R3HDM2: variants seen among roughly 807,000 people sequenced by gnomAD.
R3HDM2 encodes the protein R3H domain containing 2.
In R3HDM2, 38 loss-of-function variants were observed where a neutral mutation model predicts 124.5. That is an observed-to-expected ratio of 0.31 (90% CI 0.24 to 0.40). The LOEUF (loss-of-function observed/expected upper bound fraction) is 0.40. R3HDM2 is among the 10% of genes least tolerant of loss of function. The pLI is 1.00. For missense variants in R3HDM2, 869 were observed against 1,236.9 expected, an observed-to-expected ratio of 0.70 and a Z score of 4.46; for synonymous variants, 391 against 448.0, an observed-to-expected ratio of 0.87 and a Z score of 1.61.
At chr12:57,395,612 C>G (rs2067395890) in intron 2 of R3HDM2, 137 bp downstream of exon 2, 1 of 237,704 alleles carries the variant, frequency 4.2e-6, no homozygotes, top group Admixed American at 6.5e-5. Context: ...CTCTGCATCT[C>G]AATTTCTTCA....
intron 2 of R3HDM2, among the ~76,000 whole-genome samples, chr12:57,354,071 C>CT (rs1219414611): frequency 6.6e-6 from 1 of 151,962 alleles, no homozygotes; most frequent in Non-Finnish European, 1.5e-5. Flanking sequence ...CCAGGCTGGT[C>CT]TTGAACTCCT....
intron 1 of R3HDM2, among the ~76,000 whole-genome samples, chr12:57,423,576 C>A (rs2070411080): frequency 6.6e-6 from 1 of 151,926 alleles, no homozygotes; most frequent in South Asian, 2.1e-4. Context: ...CTTTGGGAGG[C>A]CGAGGCGGGT....
chr12:57,420,549 G>A (rs990514644), intron 1 of R3HDM2, among the ~76,000 whole-genome samples: 7 of 148,594 alleles, frequency 4.7e-5, no homozygotes, highest in African/African-American at 1.7e-4. Flanking sequence ...ATAGAGATGA[G>A]GTCTCATTAT....
At chr12:57,429,212 T>G (rs1868948550) in intron 1 of R3HDM2, among the ~76,000 whole-genome samples, 1 of 149,600 alleles carries the variant, frequency 6.7e-6, no homozygotes, top group Non-Finnish European at 1.5e-5. Context: ...CATAGCAAGA[T>G]CCCATCCCTA....
intron 2 of R3HDM2, among the ~76,000 whole-genome samples, chr12:57,353,289 CAAGT>C (rs1019133544): frequency 7.9e-5 from 12 of 151,886 alleles, no homozygotes; most frequent in African/African-American, 2.2e-4. Flanking sequence ...AAGAAAATGA[CAAGT>C]AAGTAATTAG....
At position 57,295,520 on chromosome 12, in the gene R3HDM2, G is replaced by A. The variant is rs1441735011; in HGVS notation, c.702-13C>T. ...CCTCTGTTCAGGGCTGAGATTTGGA[G>A]AGAAATGTGAAAGGAAAGGAGGACA... is the stretch of plus-strand genomic sequence containing the variant. On this transcript the variant is annotated splice_polypyrimidine_tract_variant and intron_variant, in intron 9 of 23. Coordinates refer to ENST00000402412, the MANE Select transcript of R3HDM2 (RefSeq NM_001394031.1). 6.5e-7 allele frequency: 1 copy of A among 1,537,396 alleles called. No individual in the cohort carries two copies. Among genetic ancestry groups the A allele is most frequent in the Admixed American group, 2.0e-5 (1 of 50,946 alleles).
In R3HDM2 at chr12:57,305,582, AAT is replaced by A. The variant is rs1424581867; in HGVS notation, c.166-2367_166-2366del. The A allele has an allele frequency of 7.5e-6, 3 of 398,780 alleles. No individual in the cohort carries two copies. In the East Asian group the frequency reaches 1.1e-4, roughly 14 times the overall value. The allele number at this position is 398,780 out of a possible 1,614,324, so 24.7% of individuals were successfully genotyped here. On this transcript the variant is annotated intron_variant, in intron 3 of 23. Transcript: ENST00000402412. The stretch of plus-strand genomic sequence containing the variant: ...ACAGCCAAACATATATTAAAAGCCT[AAT>A]ATACACCATGTTATCATGCTAGCTA...
chr12:57,417,238 T>G (rs2069720797), intron 1 of R3HDM2, among the ~76,000 whole-genome samples: 1 of 151,700 alleles, frequency 6.6e-6, no homozygotes, highest in African/African-American at 2.4e-5. Flanking sequence ...TCCCCATCTC[T>G]ACTAAAAATA....
intron 1 of R3HDM2, among the ~76,000 whole-genome samples, chr12:57,420,544 G>T (rs192152311): frequency 1.3e-4 from 19 of 144,680 alleles, no homozygotes; most frequent in African/African-American, 4.3e-4. Flanking sequence ...TTTTAATAGA[G>T]ATGAGGTCTC....
intron 2 of R3HDM2, among the ~76,000 whole-genome samples, chr12:57,314,419 C>T (rs1316463114): frequency 6.6e-6 from 1 of 151,988 alleles, no homozygotes; most frequent in Admixed American, 6.6e-5. Flanking sequence ...GCAGAGGTTG[C>T]GGTGAGCCGA....
At chr12:57,361,427 T>C (rs886089622) in intron 2 of R3HDM2, among the ~76,000 whole-genome samples, 3 of 147,770 alleles carry the variant, frequency 2.0e-5, no homozygotes, top group Non-Finnish European at 4.5e-5. Flanking sequence ...GGCTCATGGC[T>C]GTAATCCCTA....
At chr12:57,406,609 G>A (rs953705224) in intron 1 of R3HDM2, among the ~76,000 whole-genome samples, 1 of 152,102 alleles carries the variant, frequency 6.6e-6, no homozygotes, top group Admixed American at 6.6e-5. Flanking sequence ...TAGAATTTGA[G>A]TATCACCATT....
At chr12:57,342,942 A>G (rs1485696796) in intron 2 of R3HDM2, among the ~76,000 whole-genome samples, 1 of 152,138 alleles carries the variant, frequency 6.6e-6, no homozygotes, top group Non-Finnish European at 1.5e-5. Flanking sequence ...TCTTCCTATT[A>G]TTTGCCCCCA....
chr12:57,274,957 CA>C (rs201294754), intron 14 of R3HDM2, among the ~76,000 whole-genome samples: 14 of 148,632 alleles, frequency 9.4e-5, no homozygotes, highest in Non-Finnish European at 7.5e-5. Context: ...CGCAGAATTA[CA>C]AAAAAAAAAT....
At chr12:57,356,837 G>A (rs1474348521) in intron 2 of R3HDM2, among the ~76,000 whole-genome samples, 1 of 152,226 alleles carries the variant, frequency 6.6e-6, no homozygotes, top group African/African-American at 2.4e-5. Flanking sequence ...TTGGCCGGGC[G>A]TGGTAGCTCA....
chr12:57,261,651 G>C (rs1487791862), intron 19 of R3HDM2, among the ~76,000 whole-genome samples: 1 of 150,792 alleles, frequency 6.6e-6, no homozygotes, highest in Admixed American at 6.7e-5. Flanking sequence ...TGAGAACACA[G>C]AGCACTACTC....
chr12:57,272,442 G>A, intron 14 of R3HDM2: 2 of 1,543,396 alleles, frequency 1.3e-6, no homozygotes, highest in Non-Finnish European at 1.8e-6. Flanking sequence ...AAGGGGGAAT[G>A]GAGTTTATAC....
In R3HDM2 at chr12:57,297,875, CAGA is replaced by C. The variant is rs1359436613; in HGVS notation, c.500+212_500+214del. ...TCTTTGTTTCTGCATTCTTCTTTCA[CAGA>C]AGTTTTCCCAATTCTTCTGAAAACA... On this transcript the variant is annotated intron_variant, in intron 7 of 23. Transcript: ENST00000402412. 7 of 566,544 alleles carry C rather than the reference CAGA, an allele frequency of 1.2e-5. No individual in the cohort carries two copies. In the Admixed American group the frequency reaches 1.9e-4, roughly 15 times the overall value. 35.1% of individuals were successfully genotyped at this position (566,544 alleles called of 1,614,324 possible).
At position 57,285,446 on chromosome 12, in the gene R3HDM2, A is replaced by AGTGTGT. The variant is rs34223001; in HGVS notation, c.939-1396_939-1391dup. The stretch of plus-strand genomic sequence containing the variant: ...AACCCCAAGACTGAGAGAGAGAGAG[A>AGTGTGT]GTGTGTGTGTGTGTGTGTGTGTGTG... On this transcript the variant is annotated intron_variant, in intron 12 of 23. Transcript: ENST00000402412. Among the ~76,000 whole-genome samples the AGTGTGT allele has an allele frequency of 2.1e-3, 312 of 147,672 alleles. 1 individual carries two copies. The highest frequency in any genetic ancestry group is 6.5e-3 in the African/African-American group (259 of 40,152).
Sources: allele counts gnomAD v4.1 joint callset (sites outside exome capture counted in the v4.1 genomes callset), GRCh38; gene constraint gnomAD v4.1.1; transcripts MANE v1.5; gene names NCBI Gene and HGNC (gene_info 2026-07-23, HGNC 2026-07-21).